VAV2: variants seen among roughly 807,000 people sequenced by gnomAD.
VAV2 encodes the protein vav guanine nucleotide exchange factor 2, also known as guanine nucleotide exchange factor VAV2.
A neutral mutation model predicts 132.5 loss-of-function variants in VAV2; 67 were observed. That is an observed-to-expected ratio of 0.51 (90% confidence interval 0.42 to 0.62). The LOEUF is 0.62. Among genes scored for constraint, VAV2 ranks in the 20% least tolerant of loss-of-function variants. The pLI is 0.00. For missense variants in VAV2, 938 were observed against 1,153.6 expected (o/e 0.81, Z 2.71); for synonymous variants, 492 against 443.5 (o/e 1.11, Z -1.37).
intron 16 of VAV2, among the ~76,000 whole-genome samples, chr9:133,786,206 C>A (rs545358596): frequency 1.3e-5 from 2 of 152,238 alleles, no homozygotes; most frequent in African/African-American, 4.8e-5. Flanking sequence ...TGTGCCTGCA[C>A]GCGTGTCTAT....
At chr9:133,913,306 A>G (rs547543370) in intron 2 of VAV2, among the ~76,000 whole-genome samples, 2 of 152,350 alleles carry the variant, frequency 1.3e-5, no homozygotes, top group East Asian at 3.9e-4. Flanking sequence ...AACGGGAGAC[A>G]CACACGAAAG....
chr9:133,797,109 C>G (rs909289313), intron 10 of VAV2, among the ~76,000 whole-genome samples: 1 of 152,192 alleles, frequency 6.6e-6, no homozygotes, highest in Non-Finnish European at 1.5e-5. Context: ...CCAGGGTGTA[C>G]TAACCAGATG....
At chr9:133,963,479 A>T (rs573225013) in intron 1 of VAV2, among the ~76,000 whole-genome samples, 43 of 152,300 alleles carry the variant, frequency 2.8e-4, no homozygotes, top group African/African-American at 9.6e-4. Flanking sequence ...CCACACTCCA[A>T]GTCGGCCAGC....
chr9:133,834,551 A>C lies in VAV2; in HGVS notation c.381-211T>G, dbSNP rs1836389238. ...ATAGGGCAAGAGGAGACCCATGCCT[A>C]CTTGCCAGGGGGCAAGGAATGTGTC... On this transcript the variant is annotated intron_variant, in intron 3 of 29. Coordinates refer to ENST00000371850, the MANE Select transcript of VAV2 (RefSeq NM_001134398.2). The surrounding 1 kb of genome is among the most constrained non-coding windows in gnomAD (Gnocchi z 5.9). Among the ~76,000 whole-genome samples, 1 of 152,256 alleles carries C rather than the reference A, an allele frequency of 6.6e-6. No individual in the cohort carries two copies.
chr9:133,967,647 A>C (rs1436463640), intron 1 of VAV2, among the ~76,000 whole-genome samples: 4 of 152,180 alleles, frequency 2.6e-5, no homozygotes, highest in African/African-American at 9.7e-5. Context: ...TAAATATCAT[A>C]TGGGCCGGGT....
intron 2 of VAV2, among the ~76,000 whole-genome samples, chr9:133,881,568 G>C (rs1345156839): frequency 6.6e-6 from 1 of 152,212 alleles, no homozygotes; most frequent in Non-Finnish European, 1.5e-5. Context: ...GGGAACACAA[G>C]GAAGGGGGAA....
At chr9:133,960,131 A>C (rs1217221044) in intron 1 of VAV2, among the ~76,000 whole-genome samples, 1 of 152,122 alleles carries the variant, frequency 6.6e-6, no homozygotes, top group Non-Finnish European at 1.5e-5. Flanking sequence ...TCCACTCTCT[A>C]TCAGGAGAAA....
rs967372628 is a variant in VAV2, at chr9:133,935,330, G to A, written c.321+3773C>T. On this transcript the variant is annotated intron_variant, in intron 2 of 29. Transcript: ENST00000371850. The surrounding 1 kb of genome is among the most constrained non-coding windows in gnomAD (Gnocchi z 5.2). ...CGCTCTTCATCTCTGTGGCCAGAGG[G>A]ACCGATGCATGGAATGGCCAAGTAA... Among the ~76,000 whole-genome samples, 9 of 152,196 alleles carry A rather than the reference G, an allele frequency of 5.9e-5. No individual in the cohort carries two copies. The highest frequency in any genetic ancestry group is 1.2e-4 in the Non-Finnish European group (8 of 68,034).
intron 3 of VAV2, among the ~76,000 whole-genome samples, chr9:133,860,414 A>C (rs1363738152): frequency 2.0e-5 from 3 of 152,048 alleles, no homozygotes; most frequent in Admixed American, 2.0e-4. Context: ...GTTTAGGAAC[A>C]TTTACCCCTG....
At chr9:133,866,805 CAAAA>C (rs55659710) in intron 2 of VAV2, among the ~76,000 whole-genome samples, 3 of 85,222 alleles carry the variant, frequency 3.5e-5, no homozygotes, top group Non-Finnish European at 2.4e-5. Flanking sequence ...GACTCCGTCT[CAAAA>C]AAAAAAAAAA....
chr9:133,948,556 C>A (rs926889225), intron 1 of VAV2, among the ~76,000 whole-genome samples: 1 of 152,158 alleles, frequency 6.6e-6, no homozygotes, highest in Non-Finnish European at 1.5e-5. Flanking sequence ...TGGAGCTCCC[C>A]CCACCAAGAG....
At position 133,888,187 on chromosome 9, in the gene VAV2, G is replaced by A. The variant is rs530577342; in HGVS notation, c.322-26755C>T. Among the ~76,000 whole-genome samples, 5 of 152,336 alleles carry A rather than the reference G, an allele frequency of 3.3e-5. No homozygotes were observed. In the South Asian group the frequency reaches 8.3e-4, roughly 25 times the overall value. On this transcript the variant is annotated intron_variant, in intron 2 of 29. Coordinates refer to ENST00000371850, the MANE Select transcript of VAV2 (RefSeq NM_001134398.2). ...ACTCACGCAGACAGCAAGCAGAAGT[G>A]GGGAGCCAGGGGCCAGGGGAGGCTG...
chr9:133,914,206 A>C (rs1213599358), intron 2 of VAV2, among the ~76,000 whole-genome samples: 4 of 152,138 alleles, frequency 2.6e-5, no homozygotes, highest in African/African-American at 4.8e-5. Context: ...ACATCAGAAA[A>C]GGCAGCACTC....
At chr9:133,765,635 C>A (rs574066217) in intron 29 of VAV2, among the ~76,000 whole-genome samples, 19 of 152,272 alleles carry the variant, frequency 1.2e-4, no homozygotes, top group African/African-American at 4.1e-4. Context: ...TGGACTGGAT[C>A]CAGGACCAGG....
At chr9:133,813,483 AGAGGGAGGGCCCGTGTGCATTC>A (rs1835437095) in intron 4 of VAV2, among the ~76,000 whole-genome samples, 1 of 152,218 alleles carries the variant, frequency 6.6e-6, no homozygotes, top group East Asian at 1.9e-4. Context: ...TCTACTTGAG[AGAGGGAGGGCCCGTGTGCATTC>A]GAGGAAGGCC....
intron 20 of VAV2, 179 bp from the exon 21 acceptor site, chr9:133,780,118 T>C: frequency 1.3e-6 from 1 of 763,678 alleles, no homozygotes; most frequent in Non-Finnish European, 2.1e-6. Flanking sequence ...GGCAATATAT[T>C]TCACCTCTGT....
At chr9:133,902,168 G>T (rs1427345102) in intron 2 of VAV2, among the ~76,000 whole-genome samples, 2 of 152,032 alleles carry the variant, frequency 1.3e-5, no homozygotes, top group Non-Finnish European at 2.9e-5. Flanking sequence ...CCTGCAATTG[G>T]CCTCCCTGAG....
intron 4 of VAV2, among the ~76,000 whole-genome samples, chr9:133,829,992 G>T (rs1485202388): frequency 6.6e-6 from 1 of 152,120 alleles, no homozygotes; most frequent in Non-Finnish European, 1.5e-5. Context: ...CACAGAGAGT[G>T]TTTAGGAACC....
At chr9:133,971,480 G>A (rs1402457491) in intron 1 of VAV2, among the ~76,000 whole-genome samples, 1 of 152,178 alleles carries the variant, frequency 6.6e-6, no homozygotes, top group Non-Finnish European at 1.5e-5. Flanking sequence ...CAGCCCAGGA[G>A]CCAGCCCACC....
Sources: allele counts gnomAD v4.1 joint callset (sites outside exome capture counted in the v4.1 genomes callset), GRCh38; gene constraint gnomAD v4.1.1; non-coding constraint Gnocchi (gnomAD v3.1); transcripts MANE v1.5; gene names NCBI Gene and HGNC (gene_info 2026-07-23, HGNC 2026-07-21).